THADA: variants seen among roughly 807,000 people sequenced by gnomAD.
THADA encodes the protein tRNA (32-2'-O)-methyltransferase regulator THADA.
A neutral mutation model predicts 219.8 loss-of-function variants in THADA; 213 were observed. That is an observed-to-expected ratio of 0.97 (90% CI 0.87 to 1.09). The LOEUF is 1.09. THADA is among the 50% of genes least tolerant of loss of function. THADA has a pLI of 0.00. For missense variants in THADA, 2,956 were observed against 2,311.3 expected (o/e 1.28, Z -5.72); for synonymous variants, 1,018 against 828.9 (o/e 1.23, Z -3.92).
chr2:43,542,635 G>A (rs1019671965), intron 20 of THADA, among the ~76,000 whole-genome samples: 1 of 152,150 alleles, frequency 6.6e-6, no homozygotes, highest in African/African-American at 2.4e-5. Context: ...TACTAATAAG[G>A]TTTGTTTCCT....
At chr2:43,426,433 A>C (rs1678433118) in intron 28 of THADA, among the ~76,000 whole-genome samples, 1 of 152,238 alleles carries the variant, frequency 6.6e-6, no homozygotes, top group Non-Finnish European at 1.5e-5. Context: ...TCCTTGCATC[A>C]ACTTTCTGAA....
chr2:43,376,029 C>G (rs1016327250), intron 29 of THADA, among the ~76,000 whole-genome samples: 3 of 152,134 alleles, frequency 2.0e-5, no homozygotes, highest in Non-Finnish European at 4.4e-5. Context: ...ATTGTGAAAC[C>G]CTCAGAGCCA....
intron 26 of THADA, among the ~76,000 whole-genome samples, chr2:43,444,615 G>C (rs1182586061): frequency 2.6e-5 from 4 of 152,068 alleles, no homozygotes; most frequent in Non-Finnish European, 5.9e-5. Flanking sequence ...TTCAAGATCT[G>C]CCACACATAT....
At chr2:43,235,701 T>C (rs2104021572) in intron 36 of THADA, among the ~76,000 whole-genome samples, 1 of 152,232 alleles carries the variant, frequency 6.6e-6, no homozygotes, top group Middle Eastern at 3.4e-3. Context: ...TCAAGTGACA[T>C]TCCTGTTGAG....
chr2:43,443,054 C>T (rs746081541), intron 26 of THADA, among the ~76,000 whole-genome samples: 7 of 152,194 alleles, frequency 4.6e-5, no homozygotes, highest in African/African-American at 7.2e-5. Flanking sequence ...CTTTCCCTAA[C>T]ACAGGCAGCA....
chr2:43,416,894 C>A (rs1045504538), intron 28 of THADA, among the ~76,000 whole-genome samples: 2 of 152,130 alleles, frequency 1.3e-5, no homozygotes, highest in African/African-American at 4.8e-5. Context: ...GTAACAAAAC[C>A]TTCCTTTCAT....
chr2:43,307,838 T>A (rs1277944176), intron 31 of THADA, among the ~76,000 whole-genome samples: 1 of 151,894 alleles, frequency 6.6e-6, no homozygotes, highest in Non-Finnish European at 1.5e-5. Context: ...ATATAACCCA[T>A]AACCAGGAGA....
chr2:43,497,813 A>G (rs1317671975), intron 25 of THADA, among the ~76,000 whole-genome samples: 1 of 152,136 alleles, frequency 6.6e-6, no homozygotes, highest in Non-Finnish European at 1.5e-5. Context: ...TGAACCCAGG[A>G]AGCAGAGGTT....
intron 31 of THADA, among the ~76,000 whole-genome samples, chr2:43,305,318 C>A (rs1676731779): frequency 6.6e-6 from 1 of 152,154 alleles, no homozygotes. Flanking sequence ...AAACTGTAAT[C>A]CTGACCCCAG....
chr2:43,334,554 C>G (rs1349458855), intron 30 of THADA, among the ~76,000 whole-genome samples: 1 of 152,122 alleles, frequency 6.6e-6, no homozygotes, highest in Non-Finnish European at 1.5e-5. Context: ...GTTTTTCTCA[C>G]CAGAATATCA....
intron 24 of THADA, among the ~76,000 whole-genome samples, chr2:43,499,626 C>G (rs148518786): frequency 0.039 from 6,013 of 152,272 alleles, 161 homozygotes; most frequent in Non-Finnish European, 0.06. Flanking sequence ...ATCCACCTGC[C>G]TTGGCCTCCC....
At chr2:43,366,830 C>A (rs1670208637) in intron 29 of THADA, among the ~76,000 whole-genome samples, 1 of 152,134 alleles carries the variant, frequency 6.6e-6, no homozygotes, top group Non-Finnish European at 1.5e-5. Context: ...ATTTGTACAG[C>A]CATGTTCAAT....
intron 26 of THADA, among the ~76,000 whole-genome samples, chr2:43,461,928 A>G (rs1683688416): frequency 6.6e-6 from 1 of 152,214 alleles, no homozygotes; most frequent in Non-Finnish European, 1.5e-5. Context: ...CACTGGCTCC[A>G]GGCAATACCA....
At chr2:43,523,955 G>T (rs771389212) in intron 22 of THADA, among the ~76,000 whole-genome samples, 1 of 152,122 alleles carries the variant, frequency 6.6e-6, no homozygotes, top group African/African-American at 2.4e-5. Flanking sequence ...CATCCTAGAA[G>T]TCTGTTCATT....
chr2:43,558,718 G>A (rs149424913), intron 16 of THADA, among the ~76,000 whole-genome samples: 1,581 of 152,234 alleles, frequency 0.01, 29 homozygotes, highest in South Asian at 0.072. Flanking sequence ...GCTTGTGATC[G>A]TGTGAGTCAA....
At chr2:43,286,161 G>T (rs1441535951) in intron 35 of THADA, among the ~76,000 whole-genome samples, 12 of 152,184 alleles carry the variant, frequency 7.9e-5, no homozygotes, top group Admixed American at 7.9e-4. Flanking sequence ...ATAGAAGTCA[G>T]TCAAGCAGTG....
intron 28 of THADA, among the ~76,000 whole-genome samples, chr2:43,412,495 T>C (rs1037655463): frequency 1.3e-5 from 2 of 152,204 alleles, no homozygotes; most frequent in South Asian, 2.1e-4. Flanking sequence ...TTGACTACAT[T>C]TGCTAGTGTT....
chr2:43,564,418 A>C (rs1467087253), intron 15 of THADA: 2 of 152,278 alleles, frequency 1.3e-5, no homozygotes, highest in African/African-American at 4.8e-5. Context: ...GCCTGTAGCC[A>C]TCTCATGCCA....
At chr2:43,386,940 TGTTCA>T (rs1672765979) in intron 29 of THADA, among the ~76,000 whole-genome samples, 1 of 151,632 alleles carries the variant, frequency 6.6e-6, no homozygotes, top group Non-Finnish European at 1.5e-5. Flanking sequence ...CCGTCATGTA[TGTTCA>T]GTACCCGTTA....
Sources: gnomAD v4.1 joint callset for allele counts (sites outside exome capture counted in the v4.1 genomes callset) on GRCh38, gnomAD v4.1.1 for gene constraint, MANE v1.5 for transcripts, NCBI Gene and HGNC (gene_info 2026-07-23, HGNC 2026-07-21) for gene names.